FMN2: variants seen among roughly 807,000 people sequenced by gnomAD.
FMN2 encodes formin-2.
A neutral mutation model predicts 142.3 loss-of-function variants in FMN2; 51 were observed. That is an observed-to-expected ratio of 0.36 (90% CI 0.29 to 0.45). The LOEUF is 0.45. FMN2 is among the 20% of genes least tolerant of loss of function. The pLI is 1.00. For missense variants in FMN2, 1,936 were observed against 2,122.8 expected (o/e 0.91, Z 1.73); for synonymous variants, 882 against 869.8 (o/e 1.01, Z -0.25).
At chr1:240,097,297 T>G (rs968838559) in intron 1 of FMN2, among the ~76,000 whole-genome samples, 4 of 152,142 alleles carry the variant, frequency 2.6e-5, no homozygotes, top group Non-Finnish European at 5.9e-5. Flanking sequence ...TTCTGAGTTT[T>G]TGTGTCTGTG....
At chr1:240,438,493 C>T (rs972642215) in intron 16 of FMN2, among the ~76,000 whole-genome samples, 11 of 152,130 alleles carry the variant, frequency 7.2e-5, no homozygotes, top group African/African-American at 2.7e-4. Context: ...AAAGTGACCA[C>T]GTAAGAAGGC....
intron 1 of FMN2, among the ~76,000 whole-genome samples, chr1:240,098,097 ATTTTTTT>A (rs35191164): frequency 6.1e-5 from 6 of 98,690 alleles, no homozygotes; most frequent in South Asian, 3.4e-4. Flanking sequence ...GTTATCTTGA[ATTTTTTT>A]TTTTTTTTTT....
intron 2 of FMN2, chr1:240,145,530 A>ATTTTTTTTTTTTTTTTTTT (rs71168902): frequency 4.7e-5 from 4 of 84,368 alleles, no homozygotes; most frequent in Admixed American, 2.0e-4. Flanking sequence ...TTCTTTTTCT[A>ATTTTTTTTTTTTTTTTTTT]TTTTTTTTTT....
At chr1:240,164,616 A>G (rs1272464020) in intron 2 of FMN2, among the ~76,000 whole-genome samples, 8 of 152,342 alleles carry the variant, frequency 5.3e-5, no homozygotes, top group Admixed American at 4.6e-4. Context: ...TACAAGGTGT[A>G]GAATTCTAGT....
intron 4 of FMN2, among the ~76,000 whole-genome samples, chr1:240,191,850 C>T (rs1340896570): frequency 6.6e-6 from 1 of 152,116 alleles, no homozygotes; most frequent in African/African-American, 2.4e-5. Flanking sequence ...AATAGAATAA[C>T]ATTTTGATTT....
rs190567311 is a variant in FMN2, at chr1:240,398,740, A to G, written c.4910+6178A>G. On this transcript the variant is annotated intron_variant, in intron 15 of 17. Coordinates refer to ENST00000319653, the MANE Select transcript of FMN2 (RefSeq NM_020066.5). ...CTGAATCTTATCTTGCCTCTTACACATGATAGCTCTATGACCTTAGACCAA... is the reference window on the plus strand; with the variant it reads ...CTGAATCTTATCTTGCCTCTTACACGTGATAGCTCTATGACCTTAGACCAA... 1.1e-4 allele frequency among the ~76,000 whole-genome samples: 16 copies of G among 152,256 alleles called. No individual in the cohort carries two copies. The East Asian group carries it at 3.1e-3, about 29-fold the overall frequency.
rs186022086 is a variant in FMN2, at chr1:240,374,648, G to T, written c.4859-17863G>T. On this transcript the variant is annotated intron_variant, in intron 14 of 17. Coordinates refer to ENST00000319653, the MANE Select transcript of FMN2 (RefSeq NM_020066.5). ...TACAATTGAAGAGAACTAGGGCCTT[G>T]CTCTGGATGAGGCATTGGCTTAAGA... Among the ~76,000 whole-genome samples the T allele has an allele frequency of 9.8e-4, 149 of 152,294 alleles. 2 individuals are homozygous for T. The highest frequency in any genetic ancestry group is 3.5e-3 in the African/African-American group (147 of 41,566).
Position 240,188,255 on chromosome 1 carries a change from T to G in FMN2, c.1979T>G (p.Val660Gly). ...ACTCCCCAAAAACGCTCAGATGCTG[T>G]CCAGAAGGTAAGATGATCTTATTAG... ...SETPQKRSDA[V>G]QKEVVDMKSE... The change falls in exon 4 of 18, where the codon GTC becomes GGC. Residue 660 changes from valine (V) to glycine (G), a missense_variant. Around this residue, in one of 8 missense-constraint regions of FMN2, gnomAD observed 478 missense variants for 462.8 expected, o/e 1.03. Coordinates refer to ENST00000319653, the MANE Select transcript of FMN2 (RefSeq NM_020066.5). 6.2e-7 allele frequency: 1 copy of G among 1,613,718 alleles called. No homozygotes were observed. Among genetic ancestry groups the G allele is most frequent in the South Asian group, 1.1e-5 (1 of 91,030 alleles).
intron 6 of FMN2, among the ~76,000 whole-genome samples, chr1:240,240,416 T>C (rs1667853465): frequency 6.6e-6 from 1 of 152,204 alleles, no homozygotes; most frequent in Non-Finnish European, 1.5e-5. Flanking sequence ...TGCTACAACA[T>C]AATAATAAAT....
At chr1:240,236,623 G>A (rs990353589) in intron 6 of FMN2, among the ~76,000 whole-genome samples, 2 of 152,316 alleles carry the variant, frequency 1.3e-5, no homozygotes, top group Admixed American at 6.5e-5. Flanking sequence ...AGGTGAAGAG[G>A]GGAGCAGGGA....
intron 16 of FMN2, among the ~76,000 whole-genome samples, chr1:240,457,122 A>G (rs1366740576): frequency 2.0e-5 from 3 of 152,074 alleles, no homozygotes; most frequent in East Asian, 3.9e-4. Context: ...TCAACTTACC[A>G]CTTCCCAAAG....
At chr1:240,101,508 A>ATG (rs201093391) in intron 1 of FMN2, among the ~76,000 whole-genome samples, 2 of 148,696 alleles carry the variant, frequency 1.3e-5, no homozygotes, top group Admixed American at 1.4e-4. Context: ...GTGTGTGTGT[A>ATG]TGTGTGTGTG....
At chr1:240,255,673 C>A (rs1304890872) in intron 6 of FMN2, among the ~76,000 whole-genome samples, 2 of 152,014 alleles carry the variant, frequency 1.3e-5, no homozygotes, top group Non-Finnish European at 2.9e-5. Context: ...AATAGTGGTA[C>A]CTTTATCTCA....
intron 6 of FMN2, among the ~76,000 whole-genome samples, chr1:240,225,047 A>G (rs979185919): frequency 6.6e-6 from 1 of 152,196 alleles, no homozygotes; most frequent in Non-Finnish European, 1.5e-5. Context: ...ATGTTCATCA[A>G]AAAGATCTGT....
chr1:240,321,660 C>T (rs530676527), intron 8 of FMN2, among the ~76,000 whole-genome samples: 4 of 152,310 alleles, frequency 2.6e-5, no homozygotes, highest in Admixed American at 2.0e-4. Context: ...ACTTTCCCAA[C>T]TACCTATCTG....
rs1668109008 is a variant in FMN2, at chr1:240,247,124, G to A, written c.4066-10821G>A. On this transcript the variant is annotated intron_variant, in intron 6 of 17. Coordinates refer to ENST00000319653, the MANE Select transcript of FMN2 (RefSeq NM_020066.5). ...TCTTCTGAATGTCTGCCTTCTGAAA[G>A]GTGGTAGATGATTATTGTTCCTATG... 2.0e-5 allele frequency among the ~76,000 whole-genome samples: 3 copies of A among 152,178 alleles called. No homozygotes were observed. In the South Asian group the frequency reaches 6.2e-4, roughly 31 times the overall value.
intron 7 of FMN2, among the ~76,000 whole-genome samples, chr1:240,271,814 T>C (rs909040781): frequency 2.6e-5 from 4 of 152,168 alleles, no homozygotes; most frequent in Non-Finnish European, 4.4e-5. Flanking sequence ...TAGAGCTTTT[T>C]ATAAAAAGAA....
chr1:240,401,958 C>T (rs1674008290), intron 15 of FMN2, among the ~76,000 whole-genome samples: 1 of 152,210 alleles, frequency 6.6e-6, no homozygotes, highest in African/African-American at 2.4e-5. Context: ...TTTCTTTCAT[C>T]CTCCAGGGCT....
intron 7 of FMN2, among the ~76,000 whole-genome samples, chr1:240,276,656 C>T (rs1193060172): frequency 6.6e-6 from 1 of 152,058 alleles, no homozygotes; most frequent in East Asian, 1.9e-4. Flanking sequence ...TTCCAAATGA[C>T]ACCCCATTTG....
Sources: allele counts gnomAD v4.1 joint callset (sites outside exome capture counted in the v4.1 genomes callset), GRCh38; gene constraint gnomAD v4.1.1; regional missense constraint gnomAD v4.1.1; transcripts MANE v1.5; gene names NCBI Gene and HGNC (gene_info 2026-07-23, HGNC 2026-07-21).